The following GRIN3A variants were observed in gnomAD, a reference collection of about 807,000 sequenced individuals.
The protein encoded by GRIN3A is glutamate ionotropic receptor NMDA type subunit 3A.
In GRIN3A, 47 loss-of-function variants were observed where a neutral mutation model predicts 92.4. The observed-to-expected ratio is 0.51, with a 90% confidence interval of 0.40 to 0.65. GRIN3A has a LOEUF of 0.65. Ranked by LOEUF, GRIN3A falls within the 30% of genes least tolerant of loss-of-function variation. The pLI, the probability that GRIN3A is intolerant of heterozygous loss-of-function variation, is 0.00. For missense variants in GRIN3A, 1,324 were observed against 1,393.1 expected (o/e 0.95, Z 0.79); for synonymous variants, 527 against 540.6 (o/e 0.97, Z 0.35).
At chr9:101,668,366 AT>A (rs71906525) in intron 3 of GRIN3A, among the ~76,000 whole-genome samples, 11,627 of 148,496 alleles carry the variant, frequency 0.078, 598 homozygotes, top group East Asian at 0.22. Context: ...CATATATTAG[AT>A]TTTTTTTTTT....
chr9:101,724,593 G>A lies in GRIN3A; in HGVS notation c.699+12688C>T, dbSNP rs530759434. Among the ~76,000 whole-genome samples, 369 of 152,324 alleles carry A rather than the reference G, an allele frequency of 2.4e-3. 1 individual carries two copies. The highest frequency in any genetic ancestry group is 8.0e-3 in the African/African-American group (333 of 41,596). On this transcript the variant is annotated intron_variant, in intron 1 of 8. Transcript: ENST00000361820. ...TGGGCTGCAGGGCTCCACAAGTGCC[G>A]CCAAAGTGGGATCCCAGGCAGAGGA...
chr9:101,699,577 C>T (rs1395955773), intron 1 of GRIN3A, among the ~76,000 whole-genome samples: 1 of 152,114 alleles, frequency 6.6e-6, no homozygotes, highest in Non-Finnish European at 1.5e-5. Context: ...AGTCTAGCAT[C>T]TCAAAACACT....
chr9:101,637,786 A>G (rs1294377444), intron 3 of GRIN3A, among the ~76,000 whole-genome samples: 1 of 152,218 alleles, frequency 6.6e-6, no homozygotes, highest in African/African-American at 2.4e-5. Flanking sequence ...CTAATTCCAG[A>G]GCCTTTGTAT....
At chr9:101,705,342 C>T (rs1220442400) in intron 1 of GRIN3A, among the ~76,000 whole-genome samples, 1 of 152,082 alleles carries the variant, frequency 6.6e-6, no homozygotes, top group Non-Finnish European at 1.5e-5. Flanking sequence ...GTGTCTGAAC[C>T]AAGCCGACCG....
intron 1 of GRIN3A, among the ~76,000 whole-genome samples, chr9:101,728,546 A>T (rs562261247): frequency 5.9e-5 from 9 of 152,204 alleles, no homozygotes; most frequent in Non-Finnish European, 1.0e-4. Flanking sequence ...TTCAAAAGCC[A>T]TGTCAAATCT....
At chr9:101,666,946 C>T (rs1829245534) in intron 3 of GRIN3A, among the ~76,000 whole-genome samples, 2 of 152,030 alleles carry the variant, frequency 1.3e-5, no homozygotes, top group African/African-American at 4.8e-5. Context: ...GCTGAAGCAG[C>T]CATCCTAAAT....
chr9:101,694,926 G>A (rs1000345093), intron 1 of GRIN3A, among the ~76,000 whole-genome samples: 1 of 152,186 alleles, frequency 6.6e-6, no homozygotes, highest in Non-Finnish European at 1.5e-5. Context: ...GAGAGTCACT[G>A]CAATCTTCAG....
intron 1 of GRIN3A, 50 bp from the exon 2 acceptor site, chr9:101,687,250 CTT>C: frequency 6.3e-7 from 1 of 1,593,614 alleles, no homozygotes; most frequent in Non-Finnish European, 8.6e-7. Flanking sequence ...TGGCCAAAGA[CTT>C]TAACATAGGG....
chr9:101,671,893 G>GT (rs1829331850), intron 2 of GRIN3A, among the ~76,000 whole-genome samples: 2 of 152,116 alleles, frequency 1.3e-5, no homozygotes, highest in Admixed American at 6.5e-5. Context: ...AAATAATATA[G>GT]TGATTCCTAA....
chr9:101,669,231 T>C (rs927416276), intron 3 of GRIN3A, among the ~76,000 whole-genome samples: 2 of 152,074 alleles, frequency 1.3e-5, no homozygotes, highest in African/African-American at 4.8e-5. Context: ...CTAGTCCTAT[T>C]GGGCTGGACT....
chr9:101,623,317 C>T lies in GRIN3A; in HGVS notation c.2614+1G>A, dbSNP rs1296213242. ...GTGAATCAAGAGTGACTGATTAATACCTTCTATGGCAAATGGCTTCCCCAC... is the reference window on the plus strand; with the variant it reads ...GTGAATCAAGAGTGACTGATTAATATCTTCTATGGCAAATGGCTTCCCCAC... On this transcript the variant is annotated splice_donor_variant, in intron 5 of 8. Coordinates refer to ENST00000361820, the MANE Select transcript of GRIN3A (RefSeq NM_133445.3). LOFTEE classifies it high-confidence loss of function. 2 of 1,594,474 alleles carry T rather than the reference C, an allele frequency of 1.3e-6. No individual in the cohort carries two copies. The highest frequency in any genetic ancestry group is 2.7e-5 in the African/African-American group (2 of 74,490).
At chr9:101,693,914 A>G (rs564281158) in intron 1 of GRIN3A, among the ~76,000 whole-genome samples, 1 of 152,212 alleles carries the variant, frequency 6.6e-6, no homozygotes, top group East Asian at 1.9e-4. Context: ...CATGGTCAAA[A>G]TTATATTCTA....
At chr9:101,630,617 A>G (rs1466473636) in intron 3 of GRIN3A, among the ~76,000 whole-genome samples, 1 of 152,226 alleles carries the variant, frequency 6.6e-6, no homozygotes, top group East Asian at 1.9e-4. Context: ...TGCTTCTGAT[A>G]CTATATCATA....
At chr9:101,585,406 C>T (rs542989432) in intron 6 of GRIN3A, among the ~76,000 whole-genome samples, 8 of 152,150 alleles carry the variant, frequency 5.3e-5, no homozygotes, top group Non-Finnish European at 8.8e-5. Context: ...CAATGACTCC[C>T]AAGAGTTGGG....
chr9:101,642,977 A>C (rs1828886349), intron 3 of GRIN3A, among the ~76,000 whole-genome samples: 1 of 152,150 alleles, frequency 6.6e-6, no homozygotes, highest in African/African-American at 2.4e-5. Flanking sequence ...ATAATGTAGA[A>C]ATTATTTCAT....
chr9:101,732,426 A>C (rs955402270), intron 1 of GRIN3A, among the ~76,000 whole-genome samples: 1 of 152,226 alleles, frequency 6.6e-6, no homozygotes. Flanking sequence ...TTTCTATGGC[A>C]GGACTTAAGG....
At chr9:101,694,292 A>T (rs991886500) in intron 1 of GRIN3A, among the ~76,000 whole-genome samples, 1 of 152,196 alleles carries the variant, frequency 6.6e-6, no homozygotes, top group Non-Finnish European at 1.5e-5. Flanking sequence ...ATTTTATACC[A>T]GGCTATGGGT....
chr9:101,592,809 A>G lies in GRIN3A; in HGVS notation c.2767-13449T>C, dbSNP rs546929861. ...ACCAGTTGCCAGCTTCTTCCAAATA[A>G]AATAGCAGTAAATCTCCTTGAAACA... On this transcript the variant is annotated intron_variant, in intron 6 of 8. Transcript: ENST00000361820. The G allele has an allele frequency of 4.6e-5, 7 of 152,242 alleles. No individual in the cohort carries two copies. In the South Asian group the frequency reaches 1.5e-3, roughly 32 times the overall value. The allele number at this position is 152,242 out of a possible 1,614,324, so 9.4% of individuals were successfully genotyped here.
intron 5 of GRIN3A, among the ~76,000 whole-genome samples, chr9:101,619,201 AG>A (rs1040324685): frequency 1.3e-5 from 2 of 152,224 alleles, no homozygotes; most frequent in Admixed American, 6.5e-5. Context: ...AGGGTTAAAA[AG>A]GCTTCAGGGT....
Sources: gnomAD v4.1 joint callset for allele counts (sites outside exome capture counted in the v4.1 genomes callset) on GRCh38, gnomAD v4.1.1 for gene constraint, MANE v1.5 for transcripts, NCBI Gene and HGNC (gene_info 2026-07-23, HGNC 2026-07-21) for gene names.